Variants in ASAP1 observed in about 807,000 individuals in gnomAD.
ASAP1 encodes the protein ArfGAP with SH3 domain, ankyrin repeat and PH domain 1.
Under a neutral mutation model 145.2 loss-of-function variants are expected in ASAP1, and 43 were observed. That is an observed-to-expected ratio of 0.30 (90% CI 0.23 to 0.38). The LOEUF is 0.38. Among genes scored for constraint, ASAP1 ranks in the 10% least tolerant of loss-of-function variants. ASAP1 has a pLI of 1.00. For synonymous variants in ASAP1, 546 were observed against 515.5 expected, an observed-to-expected ratio of 1.06 and a Z score of -0.80; for missense variants, 1,018 against 1,355.3, an observed-to-expected ratio of 0.75 and a Z score of 3.91.
intron 29 of ASAP1, among the ~76,000 whole-genome samples, chr8:130,056,249 G>C (rs572558346): frequency 1.3e-5 from 2 of 152,226 alleles, no homozygotes; most frequent in Non-Finnish European, 2.9e-5. Flanking sequence ...ATTCACGTGG[G>C]GGGGCTTCAG....
At chr8:130,124,490 A>G (rs138671793) in intron 17 of ASAP1, among the ~76,000 whole-genome samples, 43 of 152,366 alleles carry the variant, frequency 2.8e-4, no homozygotes, top group African/African-American at 9.1e-4. Context: ...AACTTTTAAT[A>G]AACAGCAATA....
chr8:130,343,627 C>G (rs913375885), intron 3 of ASAP1, among the ~76,000 whole-genome samples: 1 of 152,144 alleles, frequency 6.6e-6, no homozygotes, highest in Non-Finnish European at 1.5e-5. Flanking sequence ...ATATGCCTGG[C>G]CTTTGAGCCT....
chr8:130,129,584 A>C (rs1235862076), intron 15 of ASAP1, among the ~76,000 whole-genome samples: 1 of 152,242 alleles, frequency 6.6e-6, no homozygotes, highest in Non-Finnish European at 1.5e-5. Flanking sequence ...GACAATACAG[A>C]GGTTCAGAAC....
rs76523664 is a variant in ASAP1 at position 130,291,451 on chromosome 8, C to T, written c.187-54457G>A. On this transcript the variant is annotated intron_variant, in intron 3 of 29. Coordinates refer to ENST00000518721, the MANE Select transcript of ASAP1 (RefSeq NM_018482.4). ...AGGTCTGCTGAAAGTCATCTCCTGCCACTTCCCTCTGAGATGCCTCAAGAA... is the reference window on the plus strand; with the variant it reads ...AGGTCTGCTGAAAGTCATCTCCTGCTACTTCCCTCTGAGATGCCTCAAGAA... 2.0e-3 allele frequency among the ~76,000 whole-genome samples: 304 copies of T among 152,296 alleles called. 6 individuals are homozygous for T. The East Asian group carries it at 0.036, about 18-fold the overall frequency.
At chr8:130,368,007 C>T (rs139507832) in intron 2 of ASAP1, among the ~76,000 whole-genome samples, 128 of 152,234 alleles carry the variant, frequency 8.4e-4, no homozygotes, top group African/African-American at 2.6e-3. Context: ...ATTTAGTTAA[C>T]GTCCTTTTTC....
rs1478944823 is a variant in ASAP1 at position 130,180,896 on chromosome 8, A to G, written c.531-16T>C. The G allele has an allele frequency of 6.4e-7, 1 of 1,550,446 alleles. No individual in the cohort carries two copies. The highest frequency in any genetic ancestry group is 8.6e-7 in the Non-Finnish European group (1 of 1,158,110). Reference sequence around the variant, plus strand: ...AATTTTTGTACTGTAATTAAAGCCAATGTCATTATTTAAAAAAAAAAAATA... The same window carrying G: ...AATTTTTGTACTGTAATTAAAGCCAGTGTCATTATTTAAAAAAAAAAAATA... On this transcript the variant is annotated splice_polypyrimidine_tract_variant and intron_variant, in intron 7 of 29. Coordinates refer to ENST00000518721, the MANE Select transcript of ASAP1 (RefSeq NM_018482.4).
Position 130,169,025 on chromosome 8 carries a change from C to G in ASAP1, c.789G>C (p.Gln263His), listed in dbSNP as rs113163415. 2 of 1,574,404 alleles carry G rather than the reference C, an allele frequency of 1.3e-6. No individual in the cohort carries two copies. The highest frequency in any genetic ancestry group is 1.4e-5 in the African/African-American group (1 of 73,120). ...AATCAGCAGCCAGTTTTTCAATGTA[C>G]TGTTTCAACTTATCAGCTGTTTTCA... ...DGLKTADKLK[Q>H]YIEKLAADLY... The change falls in exon 10 of 30, where the codon CAG (glutamine) becomes CAC (histidine). Residue 263 changes from glutamine to histidine, a missense_variant. Transcript: ENST00000518721.
In ASAP1 at chr8:130,060,986, C is replaced by G; in HGVS notation, c.2785G>C (p.Glu929Gln). 1 of 1,581,054 alleles carries G rather than the reference C, an allele frequency of 6.3e-7. No individual in the cohort carries two copies. The highest frequency in any genetic ancestry group is 8.6e-7 in the Non-Finnish European group (1 of 1,166,222). ...CCAGGTGGTGGCTTTTGTGGCAACT[C>G]TGCCAACTGTGATGATTTCTGAAAG... ...EIFQKSSQLA[E>Q]LPQKPPPGDL... The change falls in exon 28 of 30, where the codon GAG becomes CAG. Residue 929 changes from glutamate to glutamine, a missense_variant. Transcript: ENST00000518721.
At chr8:130,144,043 T>C (rs981199620) in intron 13 of ASAP1, among the ~76,000 whole-genome samples, 1 of 152,240 alleles carries the variant, frequency 6.6e-6, no homozygotes, top group Non-Finnish European at 1.5e-5. Flanking sequence ...TCACTTCCTA[T>C]GCTAGTGTCT....
intron 27 of ASAP1, chr8:130,069,757 T>G (rs2097438445): frequency 1.3e-5 from 2 of 152,312 alleles, no homozygotes; most frequent in East Asian, 3.9e-4. Context: ...TCTTGCAGTT[T>G]GAAGAAATTT....
At chr8:130,308,783 T>C (rs1823146350) in intron 3 of ASAP1, among the ~76,000 whole-genome samples, 2 of 152,192 alleles carry the variant, frequency 1.3e-5, no homozygotes, top group African/African-American at 4.8e-5. Context: ...GGCTTACACC[T>C]GTAATCCCAC....
intron 1 of ASAP1, among the ~76,000 whole-genome samples, chr8:130,434,726 A>C (rs1368040073): frequency 6.6e-6 from 1 of 152,076 alleles, no homozygotes; most frequent in Non-Finnish European, 1.5e-5. Context: ...AAGATCACAA[A>C]CGCAATGACA....
intron 3 of ASAP1, among the ~76,000 whole-genome samples, chr8:130,317,205 T>C (rs991672680): frequency 2.6e-5 from 4 of 152,168 alleles, no homozygotes; most frequent in Non-Finnish European, 5.9e-5. Context: ...GTGAGTTTCT[T>C]CTTACATAAA....
At chr8:130,259,050 G>A (rs1445425607) in intron 3 of ASAP1, among the ~76,000 whole-genome samples, 7 of 151,942 alleles carry the variant, frequency 4.6e-5, no homozygotes, top group Non-Finnish European at 4.4e-5. Flanking sequence ...GGGGTAAGAA[G>A]AGAACTCTTT....
chr8:130,128,139 ATTTTTTTT>A (rs745416119), intron 15 of ASAP1, 49 bp from the exon 16 acceptor site: 130 of 179,418 alleles, frequency 7.2e-4, no homozygotes, highest in East Asian at 3.7e-3. Context: ...GAGCATGGTC[ATTTTTTTT>A]TTTTTTTTTT....
chr8:130,217,559 C>T (rs1817014044), intron 4 of ASAP1, among the ~76,000 whole-genome samples: 2 of 151,644 alleles, frequency 1.3e-5, no homozygotes, highest in South Asian at 4.2e-4. Context: ...CACACACACA[C>T]AGATCTTTTC....
chr8:130,328,989 A>T (rs1824514901), intron 3 of ASAP1, among the ~76,000 whole-genome samples: 1 of 152,080 alleles, frequency 6.6e-6, no homozygotes, highest in Non-Finnish European at 1.5e-5. Context: ...CACTTCCCTT[A>T]ATCAAATTTC....
chr8:130,266,675 A>G (rs1820264681), intron 3 of ASAP1, among the ~76,000 whole-genome samples: 1 of 152,154 alleles, frequency 6.6e-6, no homozygotes, highest in Non-Finnish European at 1.5e-5. Context: ...AAACAGAACT[A>G]ATTTCCCCAA....
At chr8:130,283,948 A>T (rs1471882009) in intron 3 of ASAP1, among the ~76,000 whole-genome samples, 2 of 152,202 alleles carry the variant, frequency 1.3e-5, no homozygotes, top group African/African-American at 4.8e-5. Context: ...ATCTGTGAGG[A>T]ACTAATCTAG....
Sources: gnomAD v4.1 joint callset for allele counts (sites outside exome capture counted in the v4.1 genomes callset) on GRCh38, gnomAD v4.1.1 for gene constraint, MANE v1.5 for transcripts, NCBI Gene and HGNC (gene_info 2026-07-23, HGNC 2026-07-21) for gene names.